FXYD1: variants seen among roughly 807,000 people sequenced by gnomAD.
FXYD1 encodes phospholemman.
A neutral mutation model predicts 17.2 loss-of-function variants in FXYD1; 9 were observed. That is an observed-to-expected ratio of 0.52 (90% CI 0.32 to 0.91). The LOEUF is 0.91. Among genes scored for constraint, FXYD1 ranks in the 40% least tolerant of loss-of-function variants. The pLI is 0.04. For missense variants in FXYD1, 113 were observed against 120.6 expected (o/e 0.94, Z 0.29); for synonymous variants, 55 against 45.8 (o/e 1.20, Z -0.81).
chr19:35,142,518 C>T lies in FXYD1; in HGVS notation c.253C>T (p.Arg85Cys), dbSNP rs755353547. The change falls in exon 6 of 8, where the codon CGC becomes TGC. Residue 85 changes from arginine (R) to cysteine (C), a missense_variant. Transcript: ENST00000351325. ...GGAGGGAACTTTCCGCAGCTCCATC[C>T]GCCGTGAGTCTGGGGAGACTGCGGG... ...EEEGTFRSSI[R>C]RLSTRRR 3 of 1,613,076 alleles carry T rather than the reference C, an allele frequency of 1.9e-6. No individual in the cohort carries two copies. The Admixed American group carries it at 5.0e-5, about 27-fold the overall frequency.
intron 5 of FXYD1, chr19:35,142,186 C>A (rs763760227): frequency 1.1e-4 from 40 of 373,458 alleles, no homozygotes; most frequent in South Asian, 2.4e-4. Flanking sequence ...CCCAGGCCAT[C>A]TCATGGCAGT....
chr19:35,143,055 A>T lies in FXYD1; in HGVS notation c.*168A>T. The T allele has an allele frequency of 1.9e-6, 1 of 528,164 alleles. No homozygotes were observed. Among genetic ancestry groups the T allele is most frequent in the South Asian group, 2.2e-5 (1 of 45,352 alleles). 32.7% of individuals were successfully genotyped at this position (528,164 alleles called of 1,614,324 possible). On this transcript the variant is annotated 3_prime_UTR_variant, in exon 8 of 8. Transcript: ENST00000351325. The surrounding 1 kb of genome is among the most constrained non-coding windows in gnomAD (Gnocchi z 4.3). ...TAAAACGTGCGTTCCTCTCGACAGC[A>T]CTTTGTCGGTCTCGGTCCCTCAGCG...
intron 5 of FXYD1, among the ~76,000 whole-genome samples, chr19:35,142,084 C>T (rs1366314544): frequency 6.6e-6 from 1 of 152,204 alleles, no homozygotes; most frequent in Non-Finnish European, 1.5e-5. Flanking sequence ...TTATTAACCC[C>T]ATTTGACAGA....
At chr19:35,141,279 T>G in intron 4 of FXYD1, 73 bp downstream of exon 4, 1 of 228,058 alleles carries the variant, frequency 4.4e-6, no homozygotes, top group South Asian at 8.1e-5. Flanking sequence ...CGCCTCTCCC[T>G]GGCCCCGCCT....
At chr19:35,140,290 G>A in intron 2 of FXYD1, 150 bp downstream of exon 2, 1 of 651,430 alleles carries the variant, frequency 1.5e-6, no homozygotes, top group East Asian at 2.7e-5. Flanking sequence ...GTCACAGGCT[G>A]GTATTTGGGG....
chr19:35,141,243 TC>T (rs1368707413), intron 4 of FXYD1, 37 bp downstream of exon 4: 1 of 1,215,408 alleles, frequency 8.2e-7, no homozygotes, highest in African/African-American at 1.6e-5. Flanking sequence ...ACCCCGCCTC[TC>T]CCTGGCCCCA....
chr19:35,140,244 G>T (rs949056903), intron 2 of FXYD1, 104 bp downstream of exon 2: 4 of 751,128 alleles, frequency 5.3e-6, no homozygotes, highest in Non-Finnish European at 9.6e-6. Flanking sequence ...GTCGGCTGGG[G>T]TACCAAGAAG....
Position 35,142,703 on chromosome 19 carries a change from C to A in FXYD1, c.257-17C>A, listed in dbSNP as rs1321892612. The A allele has an allele frequency of 1.9e-6, 3 of 1,613,462 alleles. No individual in the cohort carries two copies. The highest frequency in any genetic ancestry group is 2.5e-6 in the Non-Finnish European group (3 of 1,179,592). The stretch of plus-strand genomic sequence containing the variant: ...ATGCCTCTCCAGAATGACCCCCGAT[C>A]TCCGTGTTCCCCCCAGGTCTGTCCA... On this transcript the variant is annotated splice_polypyrimidine_tract_variant and intron_variant, in intron 6 of 7. Transcript: ENST00000351325.
intron 2 of FXYD1, 93 bp from the exon 3 acceptor site, chr19:35,140,504 G>A: frequency 8.6e-7 from 1 of 1,162,994 alleles, no homozygotes; most frequent in South Asian, 1.3e-5. Context: ...CAGACTCTAA[G>A]CCCAGCAAGG....
At chr19:35,142,244 GC>G (rs1451096942) in intron 5 of FXYD1, 1 of 452,882 alleles carries the variant, frequency 2.2e-6, no homozygotes, top group Non-Finnish European at 3.9e-6. Context: ...TCACATCCCT[GC>G]CCCCAAATCC....
chr19:35,142,536 A>C lies in FXYD1; in HGVS notation c.256+15A>C. The C allele has an allele frequency of 6.2e-7, 1 of 1,611,816 alleles. No individual in the cohort carries two copies. Among genetic ancestry groups the C allele is most frequent in the Non-Finnish European group, 8.5e-7 (1 of 1,178,214 alleles). On this transcript the variant is annotated intron_variant, in intron 6 of 7. Transcript: ENST00000351325. ...CTCCATCCGCCGTGAGTCTGGGGAG[A>C]CTGCGGGTATTCTGGGGAGAGGGCT...
At chr19:35,141,254 A>G (rs373593625) in intron 4 of FXYD1, 48 bp downstream of exon 4, 79 of 784,536 alleles carry the variant, frequency 1.0e-4, no homozygotes, top group Admixed American at 6.4e-4. Context: ...CCCTGGCCCC[A>G]CCTCTCTCTG....
intron 2 of FXYD1, 42 bp downstream of exon 2, chr19:35,140,182 G>T: frequency 8.5e-7 from 1 of 1,173,846 alleles, no homozygotes; most frequent in South Asian, 1.2e-5. Flanking sequence ...CTCAGCCCCA[G>T]GGGTGGCGGT....
chr19:35,141,008 T>A, intron 3 of FXYD1, 124 bp from the exon 4 acceptor site: 1 of 541,694 alleles, frequency 1.8e-6, no homozygotes, highest in East Asian at 3.9e-5. Context: ...TCCCCCTTAA[T>A]TATCTTACTT....
At chr19:35,140,361 G>A (rs2065240412) in intron 2 of FXYD1, among the ~76,000 whole-genome samples, 1 of 152,120 alleles carries the variant, frequency 6.6e-6, no homozygotes, top group African/African-American at 2.4e-5. Flanking sequence ...AATCCCCGAT[G>A]GGATAACTGG....
rs2145381354 is a variant in FXYD1 at position 35,140,243 on chromosome 19, G to C, written c.61+103G>C. On this transcript the variant is annotated intron_variant, in intron 2 of 7. Transcript: ENST00000351325. ...CCCCAACCTAGACTAAGTCGGCTGGGGTACCAAGAAGTTTGGGGGTCTCCA... is the reference window on the plus strand; with the variant it reads ...CCCCAACCTAGACTAAGTCGGCTGGCGTACCAAGAAGTTTGGGGGTCTCCA... 1.2e-5 allele frequency: 9 copies of C among 760,692 alleles called. No individual in the cohort carries two copies. In the South Asian group the frequency reaches 1.3e-4, roughly 11 times the overall value. 47.1% of individuals were successfully genotyped at this position (760,692 alleles called of 1,614,324 possible). A position where few individuals can be genotyped will look rare whatever the true frequency, so the allele number is the denominator to read the frequency against.
intron 1 of FXYD1, 161 bp from the exon 2 acceptor site, chr19:35,139,915 G>A (rs772571509): frequency 1.6e-6 from 1 of 616,896 alleles, no homozygotes. Context: ...GTGTCCCCAC[G>A]AAGCTGGGGA....
intron 3 of FXYD1, 77 bp from the exon 4 acceptor site, chr19:35,141,055 C>T: frequency 1.1e-6 from 1 of 886,018 alleles, no homozygotes; most frequent in Non-Finnish European, 1.9e-6. Flanking sequence ...TCCCTGTTCC[C>T]TCCTTCCCAA....
At chr19:35,142,890 C>A in intron 7 of FXYD1, 27 bp from the exon 8 acceptor site, 3 of 735,508 alleles carry the variant, frequency 4.1e-6, no homozygotes, top group Non-Finnish European at 4.8e-6. Context: ...CGTCCCCCCT[C>A]GCCTCTCACC....
Sources: allele counts gnomAD v4.1 joint callset (sites outside exome capture counted in the v4.1 genomes callset), GRCh38; gene constraint gnomAD v4.1.1; non-coding constraint Gnocchi (gnomAD v3.1); transcripts MANE v1.5; gene names NCBI Gene and HGNC (gene_info 2026-07-23, HGNC 2026-07-21).